YTHDF2: variants seen among roughly 807,000 people sequenced by gnomAD.
YTHDF2 encodes the protein YTH N6-methyladenosine RNA binding protein F2, also known as YTH domain-containing family protein 2.
In YTHDF2, 2 loss-of-function variants were observed where a neutral mutation model predicts 50.4. That is an observed-to-expected ratio of 0.04 (90% confidence interval 0.02 to 0.12). The LOEUF (loss-of-function observed/expected upper bound fraction) is 0.12, where lower values mean the gene tolerates loss of function less well. YTHDF2 is among the 10% of genes least tolerant of loss of function. The probability of loss-of-function intolerance (pLI) is 1.00; values close to 1 mark genes in which losing one functional copy is unlikely to be tolerated. For synonymous variants in YTHDF2, 217 were observed against 255.6 expected (o/e 0.85, Z 1.44); for missense variants, 483 against 722.6 (o/e 0.67, Z 3.80).
chr1:28,746,633 A>G (rs1570466648), intron 4 of YTHDF2, among the ~76,000 whole-genome samples: 1 of 149,918 alleles, frequency 6.7e-6, no homozygotes, highest in Non-Finnish European at 1.5e-5. Flanking sequence ...GGTTGTGGGT[A>G]CCTGTGATCC....
chr1:28,753,358 C>CAA lies in YTHDF2; in HGVS notation c.1716+9411_1716+9412dup, dbSNP rs34047138. On this transcript the variant is annotated intron_variant, in intron 4 of 4. Coordinates refer to ENST00000373812, the MANE Select transcript of YTHDF2 (RefSeq NM_016258.3). ...GCAACATAATGAAATCCTGCCTCTC[C>CAA]AAAAAAAAAAAAAAAAAAAAAAAAA... 2.8e-3 allele frequency among the ~76,000 whole-genome samples: 48 copies of CAA among 16,944 alleles called. 22 individuals carry two copies. Among genetic ancestry groups the CAA allele is most frequent in the South Asian group, 7.4e-3 (4 of 540 alleles). The allele number at this position is 16,944 out of a possible 152,430, so 11.1% of individuals were successfully genotyped here.
At chr1:28,748,660 G>A (rs1436777302) in intron 4 of YTHDF2, among the ~76,000 whole-genome samples, 1 of 152,204 alleles carries the variant, frequency 6.6e-6, no homozygotes, top group Non-Finnish European at 1.5e-5. Context: ...TTAGTGACAT[G>A]TTTGATAGAT....
intron 2 of YTHDF2, 132 bp from the exon 3 acceptor site, chr1:28,738,127 C>T: frequency 1.4e-6 from 1 of 695,900 alleles, no homozygotes; most frequent in Non-Finnish European, 2.5e-6. Context: ...ACTGTCATCT[C>T]TTACCCTTTT....
In YTHDF2 at chr1:28,743,354, G is replaced by A. The variant is rs867321913; in HGVS notation, c.1084G>A (p.Gly362Ser). 3 of 1,614,046 alleles carry A rather than the reference G, an allele frequency of 1.9e-6. No homozygotes were observed. Among genetic ancestry groups the A allele is most frequent in the South Asian group, 1.1e-5 (1 of 91,084 alleles). Residue 362 changes from glycine to serine, a missense_variant, in exon 4 of 5, where the codon GGT (glycine) becomes AGT (serine). By Grantham distance (56) the Gly-to-Ser change is moderately conservative. Coordinates refer to ENST00000373812, the MANE Select transcript of YTHDF2 (RefSeq NM_016258.3). The surrounding 1 kb of genome is among the most constrained non-coding windows in gnomAD (Gnocchi z 6.9). ...ACCTCGGAACCGTGGCAGTGGGTTC[G>A]GTCATAATGGGGTGGATGGTAATGG... ...VAPRNRGSGF[G>S]HNGVDGNGVG...
At chr1:28,736,807 T>G, upstream of YTHDF2, 9 of 333,046 alleles carry the variant, frequency 2.7e-5, no homozygotes, top group East Asian at 2.5e-4. Context: ...CCCTTCCGCG[T>G]GGGTGAGTGA....
chr1:28,759,370 A>ATACC (rs2088081477), intron 4 of YTHDF2, among the ~76,000 whole-genome samples: 1 of 152,218 alleles, frequency 6.6e-6, no homozygotes, highest in South Asian at 2.1e-4. Context: ...CTTAGGGAAC[A>ATACC]TACCTAATTG....
At chr1:28,767,594 C>T (rs915468219) in intron 4 of YTHDF2, among the ~76,000 whole-genome samples, 13 of 151,968 alleles carry the variant, frequency 8.6e-5, no homozygotes, top group Non-Finnish European at 2.9e-5. Flanking sequence ...CTGCAAGCTC[C>T]GCCTTCCGGG....
chr1:28,737,433 T>G, intron 1 of YTHDF2: 1 of 650,628 alleles, frequency 1.5e-6, no homozygotes, highest in Non-Finnish European at 2.5e-6. Context: ...AAGCCCTGGG[T>G]TCCTCGCGTC....
chr1:28,753,738 G>A (rs375072106), intron 4 of YTHDF2, among the ~76,000 whole-genome samples: 18 of 140,390 alleles, frequency 1.3e-4, no homozygotes, highest in African/African-American at 4.5e-4. Context: ...CAAAAATCTC[G>A]CTTTGTCCCC....
chr1:28,741,825 T>C (rs540455413), intron 3 of YTHDF2, among the ~76,000 whole-genome samples: 2 of 152,328 alleles, frequency 1.3e-5, no homozygotes, highest in South Asian at 4.1e-4. Flanking sequence ...TCACCTGGTT[T>C]GTATAGGAAG....
chr1:28,752,069 G>T (rs2087963060), intron 4 of YTHDF2, among the ~76,000 whole-genome samples: 1 of 152,222 alleles, frequency 6.6e-6, no homozygotes, highest in Non-Finnish European at 1.5e-5. Context: ...GTTGGAGTTG[G>T]TCTTTAACAG....
intron 4 of YTHDF2, among the ~76,000 whole-genome samples, chr1:28,763,592 A>C (rs902718266): frequency 2.6e-5 from 4 of 152,100 alleles, no homozygotes; most frequent in African/African-American, 4.8e-5. Context: ...AATAGCTGGG[A>C]CTACAGGTGT....
intron 3 of YTHDF2, chr1:28,739,342 T>TCAA (rs1274703632): frequency 6.7e-6 from 1 of 150,198 alleles, no homozygotes; most frequent in East Asian, 2.0e-4. Context: ...AGACGTAGTG[T>TCAA]CAACTCTTGT....
chr1:28,749,970 T>A, intron 4 of YTHDF2, among the ~76,000 whole-genome samples: 1 of 146,548 alleles, frequency 6.8e-6, no homozygotes. Flanking sequence ...TATTGAAATT[T>A]TTGAAAAAAA....
chr1:28,749,730 G>A (rs1454563233), intron 4 of YTHDF2, among the ~76,000 whole-genome samples: 2 of 149,230 alleles, frequency 1.3e-5, no homozygotes, highest in Non-Finnish European at 3.0e-5. Flanking sequence ...TGATGGAGCC[G>A]TGGGAGACAA....
intron 4 of YTHDF2, 69 bp downstream of exon 4, chr1:28,744,055 T>TC: frequency 7.0e-7 from 1 of 1,432,360 alleles, no homozygotes. Flanking sequence ...AGGTATTATA[T>TC]AGTGAACCGT....
intron 4 of YTHDF2, among the ~76,000 whole-genome samples, chr1:28,749,836 A>ATC (rs1398669949): frequency 1.3e-5 from 2 of 151,964 alleles, no homozygotes; most frequent in Non-Finnish European, 2.9e-5. Context: ...GTGAGGAGAG[A>ATC]GTTGAGTTAC....
chr1:28,742,870 A>C lies in YTHDF2; in HGVS notation c.600A>C (p.Ala200=). ...TGAAGTTGGGTAGCACAGAAGTTGC[A>C]AGCAATGTTCCAAAAGTTGTAGGTT... ...AALKLGSTEV[A]SNVPKVVGSA... The change falls in exon 4 of 5, where the codon GCA becomes GCC. Residue 200 remains alanine, a synonymous_variant. Coordinates refer to ENST00000373812, the MANE Select transcript of YTHDF2 (RefSeq NM_016258.3). 1 of 1,614,126 alleles carries C rather than the reference A, an allele frequency of 6.2e-7. No individual in the cohort carries two copies. The highest frequency in any genetic ancestry group is 1.1e-5 in the South Asian group (1 of 91,086).
chr1:28,738,158 T>G (rs2087723609), intron 2 of YTHDF2, 101 bp from the exon 3 acceptor site: 1 of 884,364 alleles, frequency 1.1e-6, no homozygotes, highest in Admixed American at 2.3e-5. Context: ...CTTACGTGCT[T>G]TGTTAACTAG....
Sources: allele counts gnomAD v4.1 joint callset (sites outside exome capture counted in the v4.1 genomes callset), GRCh38; gene constraint gnomAD v4.1.1; non-coding constraint Gnocchi (gnomAD v3.1); transcripts MANE v1.5; gene names NCBI Gene and HGNC (gene_info 2026-07-23, HGNC 2026-07-21).